NALF1: variants seen among roughly 807,000 people sequenced by gnomAD.
NALF1 encodes the protein family with sequence similarity 155 member A.
A neutral mutation model predicts 48.4 loss-of-function variants in NALF1; 3 were observed. The ratio of observed to expected loss-of-function variants is 0.06; its 90% CI spans 0.03 to 0.16. The LOEUF (loss-of-function observed/expected upper bound fraction) is 0.16. NALF1 is among the 10% of genes least tolerant of loss of function. The pLI is 1.00. For synonymous variants in NALF1, 262 were observed against 245.7 expected (o/e 1.07, Z -0.62); for missense variants, 526 against 571.5 (o/e 0.92, Z 0.81).
At chr13:107,190,271 T>G (rs1024002878) in intron 2 of NALF1, among the ~76,000 whole-genome samples, 1 of 152,192 alleles carries the variant, frequency 6.6e-6, no homozygotes, top group African/African-American at 2.4e-5. Flanking sequence ...TCCATCAATG[T>G]ATTTAGAGTA....
intron 1 of NALF1, among the ~76,000 whole-genome samples, chr13:107,612,154 GGAGGGAGA>G (rs1448288885): frequency 1.8e-5 from 2 of 111,250 alleles, no homozygotes; most frequent in African/African-American, 6.9e-5. Context: ...GGAGAGGGTG[GGAGGGAGA>G]GAGGAAGGAA....
At chr13:107,859,914 CAAAAAAAAAAA>C (rs778833499) in intron 1 of NALF1, among the ~76,000 whole-genome samples, 1 of 66,494 alleles carries the variant, frequency 1.5e-5, no homozygotes, top group African/African-American at 6.1e-5. Context: ...AACTCCAACT[CAAAAAAAAAAA>C]AAAAAAAAAG....
intron 1 of NALF1, among the ~76,000 whole-genome samples, chr13:107,445,204 T>G (rs1170857678): frequency 6.6e-6 from 1 of 152,216 alleles, no homozygotes; most frequent in Non-Finnish European, 1.5e-5. Flanking sequence ...AGGTACAGAA[T>G]GACTCTGTAG....
At chr13:107,694,848 T>A (rs374765062) in intron 1 of NALF1, among the ~76,000 whole-genome samples, 1 of 151,964 alleles carries the variant, frequency 6.6e-6, no homozygotes, top group South Asian at 2.1e-4. Context: ...GCTAGAATGC[T>A]GTAGCACAAT....
chr13:107,635,850 G>A (rs1879962230), intron 1 of NALF1, among the ~76,000 whole-genome samples: 2 of 152,074 alleles, frequency 1.3e-5, no homozygotes, highest in African/African-American at 4.8e-5. Context: ...ATAGGGAATA[G>A]AAGCCTATCC....
intron 1 of NALF1, among the ~76,000 whole-genome samples, chr13:107,274,085 T>A (rs765907352): frequency 1.4e-4 from 22 of 152,302 alleles, no homozygotes; most frequent in Non-Finnish European, 2.9e-4. Flanking sequence ...TCGTACATAA[T>A]TTTTATATGT....
chr13:107,612,866 A>T (rs1879272566), intron 1 of NALF1, among the ~76,000 whole-genome samples: 1 of 152,152 alleles, frequency 6.6e-6, no homozygotes, highest in Admixed American at 6.5e-5. Flanking sequence ...CTCTCATAGG[A>T]TAACTATTTG....
chr13:107,756,999 C>T (rs964387844), intron 1 of NALF1, among the ~76,000 whole-genome samples: 1 of 152,082 alleles, frequency 6.6e-6, no homozygotes, highest in African/African-American at 2.4e-5. Flanking sequence ...TAAATATTAG[C>T]TCAAGGATAC....
chr13:107,771,510 T>C (rs966175143), intron 1 of NALF1, among the ~76,000 whole-genome samples: 2 of 149,142 alleles, frequency 1.3e-5, no homozygotes, highest in African/African-American at 4.9e-5. Flanking sequence ...ATCTATAATA[T>C]GTAATATAGT....
intron 1 of NALF1, among the ~76,000 whole-genome samples, chr13:107,651,323 T>G (rs994982322): frequency 6.6e-6 from 1 of 152,170 alleles, no homozygotes; most frequent in African/African-American, 2.4e-5. Flanking sequence ...AGGGATGCTT[T>G]AAAACTCTGT....
intron 1 of NALF1, among the ~76,000 whole-genome samples, chr13:107,774,277 G>C (rs929110168): frequency 2.6e-5 from 4 of 152,086 alleles, no homozygotes; most frequent in East Asian, 1.9e-4. Flanking sequence ...TTTTCTCAAT[G>C]GTTTACAAAT....
intron 1 of NALF1, among the ~76,000 whole-genome samples, chr13:107,864,952 G>C (rs907216251): frequency 3.3e-5 from 5 of 152,162 alleles, no homozygotes; most frequent in African/African-American, 1.2e-4. Flanking sequence ...CTTCTGGAAA[G>C]CATACTGAAA....
chr13:107,558,321 A>G (rs1877541448), intron 1 of NALF1, among the ~76,000 whole-genome samples: 2 of 151,990 alleles, frequency 1.3e-5, no homozygotes, highest in Admixed American at 6.6e-5. Flanking sequence ...ATTTTTATCA[A>G]TCTTTTTTAG....
intron 1 of NALF1, among the ~76,000 whole-genome samples, chr13:107,484,776 A>T (rs1885302397): frequency 6.6e-6 from 1 of 152,168 alleles, no homozygotes; most frequent in African/African-American, 2.4e-5. Context: ...GTTCCTGAGA[A>T]CATCTCCTTT....
At chr13:107,718,394 A>C (rs962577667) in intron 1 of NALF1, among the ~76,000 whole-genome samples, 2 of 152,170 alleles carry the variant, frequency 1.3e-5, no homozygotes, top group Admixed American at 6.5e-5. Context: ...TAAAGGAAGA[A>C]GACTCTCATC....
intron 1 of NALF1, among the ~76,000 whole-genome samples, chr13:107,306,438 A>G (rs921164630): frequency 1.1e-4 from 16 of 152,156 alleles, no homozygotes; most frequent in African/African-American, 3.9e-4. Context: ...GGTATCAGTG[A>G]TGATTTGGTA....
At chr13:107,359,582 C>T (rs1298706306) in intron 1 of NALF1, among the ~76,000 whole-genome samples, 1 of 150,724 alleles carries the variant, frequency 6.6e-6, no homozygotes, top group Non-Finnish European at 1.5e-5. Context: ...GTTTTGTTTC[C>T]CTTTCCTCCT....
intron 1 of NALF1, among the ~76,000 whole-genome samples, chr13:107,802,863 T>C (rs1482465500): frequency 6.6e-6 from 1 of 152,164 alleles, no homozygotes; most frequent in East Asian, 1.9e-4. Context: ...ACCTTTAAGA[T>C]TGAGGATGAT....
At chr13:107,239,528 G>A (rs1358778218) in intron 1 of NALF1, among the ~76,000 whole-genome samples, 3 of 152,096 alleles carry the variant, frequency 2.0e-5, no homozygotes, top group Non-Finnish European at 4.4e-5. Context: ...TTCCAAACAC[G>A]GTCACATTCA....
Sources: gnomAD v4.1 joint callset for allele counts (sites outside exome capture counted in the v4.1 genomes callset) on GRCh38, gnomAD v4.1.1 for gene constraint, MANE v1.5 for transcripts, NCBI Gene and HGNC (gene_info 2026-07-23, HGNC 2026-07-21) for gene names.